Variants in TYK2 observed in about 807,000 individuals in gnomAD.
TYK2 encodes tyrosine kinase 2, also known as non-receptor tyrosine-protein kinase TYK2.
In TYK2, 65 loss-of-function variants were observed where a neutral mutation model predicts 130.9. That is an observed-to-expected ratio of 0.50 (90% CI 0.41 to 0.61). The LOEUF (loss-of-function observed/expected upper bound fraction) is 0.61, where lower values mean the gene tolerates loss of function less well. TYK2 is among the 20% of genes least tolerant of loss of function. TYK2 has a pLI of 0.00. For synonymous variants in TYK2, 647 were observed against 658.9 expected (o/e 0.98, Z 0.28); for missense variants, 1,378 against 1,610.7 (o/e 0.86, Z 2.47).
intron 3 of TYK2, among the ~76,000 whole-genome samples, chr19:10,371,250 C>T (rs1176705687): frequency 6.6e-6 from 1 of 151,770 alleles, no homozygotes; most frequent in East Asian, 2.0e-4. Context: ...CTGAGCTACT[C>T]AGCCTCCAAA....
chr19:10,366,835 A>G (rs2041687602), intron 5 of TYK2, among the ~76,000 whole-genome samples: 1 of 151,950 alleles, frequency 6.6e-6, no homozygotes, highest in Non-Finnish European at 1.5e-5. Context: ...ACCTGAGGTC[A>G]GGAGTTTGAG....
chr19:10,368,548 A>C, intron 3 of TYK2, 130 bp from the exon 4 acceptor site: 14 of 1,400,466 alleles, frequency 1.0e-5, no homozygotes, highest in Non-Finnish European at 1.3e-5. Context: ...CTTCAGTCTC[A>C]CGTTGCCCCT....
chr19:10,374,911 A>G (rs2042059586), intron 3 of TYK2, among the ~76,000 whole-genome samples: 1 of 152,006 alleles, frequency 6.6e-6, no homozygotes, highest in African/African-American at 2.4e-5. Context: ...AGTCATGGCC[A>G]GGCGCGATGG....
chr19:10,362,808 GAC>G (rs1398892688), intron 9 of TYK2, 151 bp from the exon 10 acceptor site: 5 of 670,786 alleles, frequency 7.5e-6, no homozygotes, highest in African/African-American at 5.3e-5. Context: ...ACTAACTCTG[GAC>G]ACACAGCCAC....
At position 10,364,909 on chromosome 19, in the gene TYK2, G is replaced by T; in HGVS notation, c.1151C>A (p.Thr384Asn). 2 of 1,614,212 alleles carry T rather than the reference G, an allele frequency of 1.2e-6. No homozygotes were observed. The highest frequency in any genetic ancestry group is 1.1e-5 in the South Asian group (1 of 91,090). ...WAYFCDFRDI[T>N]HVVLKEHCVS... ...ACAGTGCTCTTTCAGCACCACGTGG[G>T]TGATGTCCCGGAAGTCACAGAAGTA... is the stretch of plus-strand genomic sequence containing the variant. The change falls in exon 8 of 25, where the codon ACC becomes AAC. Residue 384 changes from threonine (T) to asparagine (N), a missense_variant. Transcript: ENST00000525621. The surrounding 1 kb of genome is among the most constrained non-coding windows in gnomAD (Gnocchi z 4.9).
At position 10,379,781 on chromosome 19, in the gene TYK2, T is replaced by C. The variant is rs1487197148; in HGVS notation, c.-185-2A>G. On this transcript the variant is annotated splice_acceptor_variant, in intron 1 of 24. Coordinates refer to ENST00000525621, the MANE Select transcript of TYK2 (RefSeq NM_003331.5). LOFTEE classifies it low-confidence loss of function (5UTR_SPLICE). ...CATATTACACATTCAGCACAGACCCTGATTCAGGCACACACAAAAAGAACA... is the reference window on the plus strand; with the variant it reads ...CATATTACACATTCAGCACAGACCCCGATTCAGGCACACACAAAAAGAACA... 6.6e-6 allele frequency: 1 copy of C among 152,360 alleles called. No homozygotes were observed. The highest frequency in any genetic ancestry group is 1.9e-4 in the East Asian group (1 of 5,344). 9.4% of individuals were successfully genotyped at this position (152,360 alleles called of 1,614,324 possible).
At position 10,361,412 on chromosome 19, in the gene TYK2, G is replaced by C. The variant is rs1043406605; in HGVS notation, c.2047+99C>G. Reference sequence around the variant, plus strand: ...AGGTGAGAGTTGAGAAATAGGCATAGGTTGGGGTGTAGGTCGAGGGTTGGG... The same window carrying C: ...AGGTGAGAGTTGAGAAATAGGCATACGTTGGGGTGTAGGTCGAGGGTTGGG... On this transcript the variant is annotated intron_variant, in intron 14 of 24. Coordinates refer to ENST00000525621, the MANE Select transcript of TYK2 (RefSeq NM_003331.5). The surrounding 1 kb of genome is among the most constrained non-coding windows in gnomAD (Gnocchi z 4.0). 14 of 1,182,376 alleles carry C rather than the reference G, an allele frequency of 1.2e-5. No homozygotes were observed. Among genetic ancestry groups the C allele is most frequent in the Non-Finnish European group, 1.7e-5 (14 of 823,740 alleles). 73.2% of individuals were successfully genotyped at this position (1,182,376 alleles called of 1,614,324 possible). A position where few individuals can be genotyped will look rare whatever the true frequency, so the allele number is the denominator to read the frequency against.
rs752249209 is a variant in TYK2 at position 10,350,912 on chromosome 19, G to C, written c.3486C>G (p.Phe1162Leu). ...WETEASFRPT[F>L]ENLIPILKTV... Reference sequence around the variant, plus strand: ...TCTTCAGAATGGGTATGAGGTTCTCGAAGGTTGGGCGAAAGGACGCCTCTG... The same window carrying C: ...TCTTCAGAATGGGTATGAGGTTCTCCAAGGTTGGGCGAAAGGACGCCTCTG... Residue 1162 changes from phenylalanine (F) to leucine (L), a missense_variant, in exon 25 of 25, where the codon TTC (phenylalanine) becomes TTG (leucine). Coordinates refer to ENST00000525621, the MANE Select transcript of TYK2 (RefSeq NM_003331.5). The C allele has an allele frequency of 4.3e-6, 7 of 1,614,082 alleles. No homozygotes were observed. Among genetic ancestry groups the C allele is most frequent in the African/African-American group, 1.3e-5 (1 of 74,934 alleles).
intron 3 of TYK2, among the ~76,000 whole-genome samples, chr19:10,374,253 G>A (rs1296671788): frequency 3.3e-5 from 5 of 151,312 alleles, no homozygotes; most frequent in Admixed American, 2.0e-4. Context: ...GCGACAGAGC[G>A]AGACTCTGTC....
chr19:10,364,496 A>AC lies in TYK2; in HGVS notation c.1367+117_1367+118insG. 1.5e-6 allele frequency: 2 copies of AC among 1,292,490 alleles called. No homozygotes were observed. Among genetic ancestry groups the AC allele is most frequent in the Admixed American group, 2.0e-5 (1 of 49,522 alleles). 80.1% of individuals were successfully genotyped at this position (1,292,490 alleles called of 1,614,324 possible). On this transcript the variant is annotated intron_variant, in intron 9 of 24. Coordinates refer to ENST00000525621, the MANE Select transcript of TYK2 (RefSeq NM_003331.5). The surrounding 1 kb of genome is among the most constrained non-coding windows in gnomAD (Gnocchi z 4.9). ...GCCACTGCACTCCAGTTTGGGCGAC[A>AC]AAAAATAAAAAAAAAATAAGACGTG...
intron 17 of TYK2, 120 bp downstream of exon 17, chr19:10,357,644 C>A: frequency 7.1e-7 from 1 of 1,401,844 alleles, no homozygotes; most frequent in Non-Finnish European, 9.8e-7. Flanking sequence ...CTGCTGGTAG[C>A]CCAGAGAGAC....
chr19:10,356,245 G>A (rs1164325927), intron 18 of TYK2, among the ~76,000 whole-genome samples: 6 of 152,142 alleles, frequency 3.9e-5, no homozygotes, highest in Admixed American at 3.9e-4. Context: ...CGGGCATGGT[G>A]GCACACGCTT....
rs757987854 is a variant in TYK2 at position 10,356,682 on chromosome 19, C to G, written c.2503G>C (p.Glu835Gln). ...HFYQRQHRLP[E>Q]PSCPQLATLT... is the part of the protein sequence containing the mutation. The stretch of plus-strand genomic sequence containing the variant: ...GTGGCCAGCTGTGGGCAGGAGGGCT[C>G]GGGCAGCCGGTGCTGCCTCTGGTAG... Residue 835 changes from glutamate to glutamine, a missense_variant, in exon 18 of 25, where the codon GAG becomes CAG. By Grantham distance (29) the Glu-to-Gln change is conservative. Coordinates refer to ENST00000525621, the MANE Select transcript of TYK2 (RefSeq NM_003331.5). The G allele has an allele frequency of 4.9e-5, 79 of 1,610,806 alleles. No individual in the cohort carries two copies. The highest frequency in any genetic ancestry group is 6.6e-5 in the Non-Finnish European group (78 of 1,178,980).
chr19:10,357,527 A>G lies in TYK2; in HGVS notation c.2466+237T>C, dbSNP rs1255470275. 6.9e-6 allele frequency: 5 copies of G among 720,170 alleles called. No individual in the cohort carries two copies. In the South Asian group the frequency reaches 7.4e-5, roughly 11 times the overall value. The allele number at this position is 720,170 out of a possible 1,614,324, so 44.6% of individuals were successfully genotyped here. On this transcript the variant is annotated intron_variant, in intron 17 of 24. Transcript: ENST00000525621. Reference sequence around the variant, plus strand: ...CATCGCTGCCCTGGTCACTCTGCCTAAAACTGAAATCAAGTCTCTTACTTG... The same window carrying G: ...CATCGCTGCCCTGGTCACTCTGCCTGAAACTGAAATCAAGTCTCTTACTTG...
intron 14 of TYK2, among the ~76,000 whole-genome samples, chr19:10,359,663 T>C (rs1032055184): frequency 2.1e-5 from 3 of 145,146 alleles, no homozygotes; most frequent in African/African-American, 7.8e-5. Flanking sequence ...CTGCCCAACA[T>C]GATGAAACTC....
At chr19:10,351,985 G>A (rs2040828420) in intron 23 of TYK2, among the ~76,000 whole-genome samples, 1 of 151,474 alleles carries the variant, frequency 6.6e-6, no homozygotes, top group Non-Finnish European at 1.5e-5. Context: ...TGATCTGCCC[G>A]CCTCGGCCTC....
intron 2 of TYK2, among the ~76,000 whole-genome samples, chr19:10,378,872 CTTATCTTATT>C (rs1743472538): frequency 9.2e-6 from 1 of 108,366 alleles, no homozygotes; most frequent in Non-Finnish European, 2.1e-5. Context: ...CTTATCTTAT[CTTATCTTATT>C]TTTGAGACAG....
chr19:10,379,042 A>G (rs1190275215), intron 2 of TYK2, among the ~76,000 whole-genome samples: 1 of 152,082 alleles, frequency 6.6e-6, no homozygotes, highest in Non-Finnish European at 1.5e-5. Context: ...TATTTTTAGT[A>G]GAGACAGGGT....
intron 18 of TYK2, among the ~76,000 whole-genome samples, chr19:10,355,388 C>T (rs905385798): frequency 6.6e-6 from 1 of 152,138 alleles, no homozygotes; most frequent in African/African-American, 2.4e-5. Flanking sequence ...GCCTGTAATC[C>T]CAACACTTTG....
Sources: gnomAD v4.1 joint callset for allele counts (sites outside exome capture counted in the v4.1 genomes callset) on GRCh38, gnomAD v4.1.1 for gene constraint, Gnocchi (gnomAD v3.1) non-coding constraint, MANE v1.5 for transcripts, NCBI Gene and HGNC (gene_info 2026-07-23, HGNC 2026-07-21) for gene names.